The following ABCC8 variants were observed in gnomAD, a reference collection of about 807,000 sequenced individuals.
ABCC8 encodes ATP binding cassette subfamily C member 8, also known as ATP-binding cassette sub-family C member 8.
A neutral mutation model predicts 188.0 loss-of-function variants in ABCC8; 137 were observed. The ratio of observed to expected loss-of-function variants is 0.73; its 90% confidence interval spans 0.63 to 0.84. ABCC8 has a LOEUF of 0.84. ABCC8 is among the 40% of genes least tolerant of loss of function. The pLI, the probability that ABCC8 is intolerant of heterozygous loss-of-function variation, is 0.00. For synonymous variants in ABCC8, 797 were observed against 846.5 expected, an observed-to-expected ratio of 0.94 and a Z score of 1.01; for missense variants, 1,750 against 2,072.7, an observed-to-expected ratio of 0.84 and a Z score of 3.02.
At chr11:17,421,663 G>T (rs1381554239) in intron 16 of ABCC8, among the ~76,000 whole-genome samples, 2 of 152,158 alleles carry the variant, frequency 1.3e-5, no homozygotes, top group Admixed American at 6.5e-5. Context: ...CTACATGCTA[G>T]GTTAATCCTC....
Position 17,396,860 on chromosome 11 carries a change from G to A in ABCC8, c.4119+56C>T, listed in dbSNP as rs1953955171. 1.9e-6 allele frequency: 3 copies of A among 1,604,458 alleles called. No homozygotes were observed. The East Asian group carries it at 6.7e-5, about 36-fold the overall frequency. Reference sequence around the variant, plus strand: ...TGCGAAGCCATCCAGCTCCGTGCATGCCCCATCCCCTGCTCACGCCTGTCC... The same window carrying A: ...TGCGAAGCCATCCAGCTCCGTGCATACCCCATCCCCTGCTCACGCCTGTCC... On this transcript the variant is annotated intron_variant, in intron 33 of 38. Coordinates refer to ENST00000389817, the MANE Select transcript of ABCC8 (RefSeq NM_000352.6).
At chr11:17,408,323 A>G (rs1954638198) in intron 23 of ABCC8, 69 bp downstream of exon 23, 1 of 1,467,632 alleles carries the variant, frequency 6.8e-7, no homozygotes. Context: ...GAAGACCTTT[A>G]TGAGTTCAGG....
intron 10 of ABCC8, among the ~76,000 whole-genome samples, chr11:17,440,922 C>A (rs1207042170): frequency 2.0e-5 from 3 of 152,334 alleles, no homozygotes; most frequent in Admixed American, 1.3e-4. Context: ...CCATCAGACT[C>A]TCTCTCTAGG....
At position 17,466,420 on chromosome 11, in the gene ABCC8, GAC is replaced by G. The variant is rs1181176464; in HGVS notation, c.413-2818_413-2817del. On this transcript the variant is annotated intron_variant, in intron 3 of 38. Transcript: ENST00000389817. ...TCTCAAAAAAAAAAAAAAAAAAAAA[GAC>G]AGTGCATGATGCCGCTTAGATGAGG... Among the ~76,000 whole-genome samples, 10 of 129,382 alleles carry G rather than the reference GAC, an allele frequency of 7.7e-5. No homozygotes were observed. The East Asian group carries it at 1.5e-3, about 19-fold the overall frequency. 84.9% of individuals were successfully genotyped at this position (129,382 alleles called of 152,430 possible).
intron 6 of ABCC8, among the ~76,000 whole-genome samples, chr11:17,455,986 G>A (rs889742887): frequency 6.6e-6 from 1 of 151,346 alleles, no homozygotes; most frequent in Non-Finnish European, 1.5e-5. Flanking sequence ...TAGCCAAGAG[G>A]CCTGCCATGC....
chr11:17,395,826 C>G (rs752567947), intron 34 of ABCC8, 26 bp downstream of exon 34: 1 of 1,561,470 alleles, frequency 6.4e-7, no homozygotes, highest in Admixed American at 1.9e-5. Context: ...TGTGGGTACA[C>G]GTGGGGTGCC....
rs955330392 is a variant in ABCC8 at position 17,465,559 on chromosome 11, C to T, written c.413-1955G>A. 2.0e-5 allele frequency: 3 copies of T among 152,196 alleles called. No homozygotes were observed. In the East Asian group the frequency reaches 5.8e-4, roughly 29 times the overall value. The allele number at this position is 152,196 out of a possible 1,614,324, so 9.4% of individuals were successfully genotyped here. A position where few individuals can be genotyped will look rare whatever the true frequency, so the allele number is the denominator to read the frequency against. On this transcript the variant is annotated intron_variant, in intron 3 of 38. Transcript: ENST00000389817. ...CAGCCTGTTGTCAGACACAGAAGTA[C>T]TCAGCAAAAGCTGAATGCCTGATGA...
At chr11:17,439,923 G>A (rs1432210180) in intron 10 of ABCC8, among the ~76,000 whole-genome samples, 1 of 152,182 alleles carries the variant, frequency 6.6e-6, no homozygotes, top group Non-Finnish European at 1.5e-5. Flanking sequence ...GGGGCTCTGG[G>A]GGACAATGAG....
chr11:17,410,685 G>A (rs377695627), intron 21 of ABCC8, 32 bp from the exon 22 acceptor site: 12 of 1,613,684 alleles, frequency 7.4e-6, no homozygotes, highest in Non-Finnish European at 9.3e-6. Context: ...AGAGTAGAGG[G>A]TAGGGAAAGG....
Position 17,406,664 on chromosome 11 carries a change from AG to A in ABCC8, c.3286del (p.Leu1096CysfsTer6). On this transcript the variant is annotated frameshift_variant, in exon 26 of 39. Transcript: ENST00000389817. LOFTEE classifies it high-confidence loss of function. Reference protein sequence around the residue: ...EWTGLKVAKRLHRSLLNRIIL... With the variant: ...EWTGLKVAKRXHRSLLNRIIL... ...GATCCGGTTTAGCAGGCTGCGGTGCAGTCTCTTGGCCACCTTCAGCCCTGTC... is the reference window on the plus strand; with the variant it reads ...GATCCGGTTTAGCAGGCTGCGGTGCATCTCTTGGCCACCTTCAGCCCTGTC... 1.9e-6 allele frequency: 3 copies of A among 1,614,234 alleles called. No individual in the cohort carries two copies. In the South Asian group the frequency reaches 3.3e-5, roughly 18 times the overall value.
intron 12 of ABCC8, 88 bp from the exon 13 acceptor site, chr11:17,428,758 G>T: frequency 6.3e-7 from 1 of 1,575,712 alleles, no homozygotes; most frequent in East Asian, 2.3e-5. Flanking sequence ...GCTCTGAGCA[G>T]GATCTCAGGC....
At chr11:17,475,641 G>A (rs1269960808) in intron 1 of ABCC8, among the ~76,000 whole-genome samples, 1 of 152,166 alleles carries the variant, frequency 6.6e-6, no homozygotes, top group Non-Finnish European at 1.5e-5. Context: ...GCACATATGA[G>A]CACATATTTT....
intron 7 of ABCC8, among the ~76,000 whole-genome samples, chr11:17,452,671 G>C (rs1260119486): frequency 1.3e-5 from 2 of 152,184 alleles, no homozygotes; most frequent in African/African-American, 2.4e-5. Context: ...ATCTTAGAGG[G>C]GACCCTGTCT....
chr11:17,449,201 C>T (rs1280699409), intron 7 of ABCC8, among the ~76,000 whole-genome samples: 1 of 152,224 alleles, frequency 6.6e-6, no homozygotes, highest in Non-Finnish European at 1.5e-5. Flanking sequence ...GCTGAGATTA[C>T]AGGCATGAGC....
intron 6 of ABCC8, among the ~76,000 whole-genome samples, chr11:17,457,527 T>A (rs1957038656): frequency 6.6e-6 from 1 of 152,204 alleles, no homozygotes; most frequent in Non-Finnish European, 1.5e-5. Flanking sequence ...CAGCAGCTCA[T>A]TATGAATCTA....
chr11:17,434,866 A>C (rs773438860), intron 10 of ABCC8, among the ~76,000 whole-genome samples: 5 of 152,250 alleles, frequency 3.3e-5, no homozygotes, highest in Non-Finnish European at 5.9e-5. Context: ...CTAAAGAATG[A>C]AAATGTGATT....
Position 17,475,621 on chromosome 11 carries a change from G to T in ABCC8, c.149-594C>A, listed in dbSNP as rs772097786. 3.3e-5 allele frequency among the ~76,000 whole-genome samples: 5 copies of T among 151,944 alleles called. No individual in the cohort carries two copies. In the East Asian group the frequency reaches 7.7e-4, roughly 23 times the overall value. On this transcript the variant is annotated intron_variant, in intron 1 of 38. Coordinates refer to ENST00000389817, the MANE Select transcript of ABCC8 (RefSeq NM_000352.6). ...AGAAGTGTAAATGCTGTTCTTTTTT[G>T]ATTTTTGATGCACATATGAGCACAT...
At chr11:17,446,911 A>G (rs1956555483) in intron 8 of ABCC8, among the ~76,000 whole-genome samples, 1 of 152,280 alleles carries the variant, frequency 6.6e-6, no homozygotes, top group South Asian at 2.1e-4. Flanking sequence ...CCAAGAAGCA[A>G]TGGATTCTGG....
chr11:17,396,530 G>A, intron 33 of ABCC8: 1 of 318,336 alleles, frequency 3.1e-6, no homozygotes, highest in Non-Finnish European at 6.0e-6. Context: ...CATAGGCAGG[G>A]GCTCACCCTC....
Sources: allele counts gnomAD v4.1 joint callset (sites outside exome capture counted in the v4.1 genomes callset), GRCh38; gene constraint gnomAD v4.1.1; transcripts MANE v1.5; gene names NCBI Gene and HGNC (gene_info 2026-07-23, HGNC 2026-07-21).